KATNBL1: variants seen among roughly 807,000 people sequenced by gnomAD.
KATNBL1 encodes the protein KATNB1-like protein 1.
KATNBL1 carries 28 observed loss-of-function variants against 44.7 expected under a neutral mutation model. The observed-to-expected ratio is 0.63, with a 90% confidence interval of 0.46 to 0.86. KATNBL1 has a LOEUF of 0.86. Ranked by LOEUF, KATNBL1 falls within the 40% of genes least tolerant of loss-of-function variation. KATNBL1 has a pLI of 0.00. For synonymous variants in KATNBL1, 78 were observed against 114.9 expected (o/e 0.68, Z 2.06); for missense variants, 272 against 350.7 (o/e 0.78, Z 1.79).
chr15:34,153,523 C>T (rs1014742436), intron 3 of KATNBL1, among the ~76,000 whole-genome samples: 6 of 152,072 alleles, frequency 3.9e-5, no homozygotes, highest in South Asian at 2.1e-4. Flanking sequence ...GGTTCTCAAA[C>T]GTTTTAGTGT....
At chr15:34,156,440 C>A (rs57715967) in intron 2 of KATNBL1, among the ~76,000 whole-genome samples, 31,369 of 152,162 alleles carry the variant, frequency 0.21, 4,052 homozygotes, top group African/African-American at 0.37. Context: ...GCCTGCCATG[C>A]GCACGAGCAT....
intron 1 of KATNBL1, among the ~76,000 whole-genome samples, chr15:34,181,642 A>C (rs62016513): frequency 4.6e-4 from 24 of 52,400 alleles, no homozygotes; most frequent in South Asian, 6.2e-4. Flanking sequence ...ATATATATAC[A>C]CATATATATG....
rs1888144982 is a variant in KATNBL1, at chr15:34,141,321, G to T, written c.*1018C>A. On this transcript the variant is annotated 3_prime_UTR_variant, in exon 10 of 10. Transcript: ENST00000256544. ...TAACTGTAAACCATTCTAAATCACT[G>T]TATGTAACTCTTTAAAACATATGTA... The T allele has an allele frequency of 6.6e-6, 1 of 152,574 alleles. No individual in the cohort carries two copies. The highest frequency in any genetic ancestry group is 1.5e-5 in the Non-Finnish European group (1 of 68,000). 9.5% of individuals were successfully genotyped at this position (152,574 alleles called of 1,614,324 possible). A position where few individuals can be genotyped will look rare whatever the true frequency, so the allele number is the denominator to read the frequency against.
At chr15:34,145,947 CTTTT>C (rs35429469) in intron 8 of KATNBL1, 7 of 123,300 alleles carry the variant, frequency 5.7e-5, no homozygotes, top group East Asian at 2.4e-4. Flanking sequence ...TAAATTGTGG[CTTTT>C]TTTTTTTTTT....
chr15:34,151,436 C>CTTTTTTTT (rs58824450), intron 4 of KATNBL1, among the ~76,000 whole-genome samples: 2 of 60,678 alleles, frequency 3.3e-5, no homozygotes, highest in Non-Finnish European at 5.9e-5. Flanking sequence ...CCTTTGCCTA[C>CTTTTTTTT]TTTTTTTTTT....
At chr15:34,202,205 C>A (rs1049593692) in intron 1 of KATNBL1, among the ~76,000 whole-genome samples, 1 of 152,184 alleles carries the variant, frequency 6.6e-6, no homozygotes, top group Non-Finnish European at 1.5e-5. Flanking sequence ...AGACTCTCTA[C>A]ATATGAGAGG....
intron 1 of KATNBL1, among the ~76,000 whole-genome samples, chr15:34,189,944 A>ATGC (rs1889824971): frequency 8.9e-6 from 1 of 112,600 alleles, no homozygotes; most frequent in African/African-American, 2.8e-5. Flanking sequence ...TAAGAAGTAC[A>ATGC]TTCTTTTTTT....
At chr15:34,146,582 A>C (rs1888317620) in intron 8 of KATNBL1, 179 bp downstream of exon 8, 1 of 544,278 alleles carries the variant, frequency 1.8e-6, no homozygotes, top group South Asian at 2.4e-5. Flanking sequence ...AGGCTCTGGA[A>C]TTCAATTTCC....
At chr15:34,188,544 A>G (rs978742593) in intron 1 of KATNBL1, among the ~76,000 whole-genome samples, 11 of 152,210 alleles carry the variant, frequency 7.2e-5, no homozygotes, top group Admixed American at 5.9e-4. Context: ...CAACAGAGCA[A>G]GATTCTGTCT....
intron 3 of KATNBL1, among the ~76,000 whole-genome samples, 177 bp from the exon 4 acceptor site, chr15:34,153,246 A>C (rs895738590): frequency 2.0e-5 from 3 of 152,236 alleles, no homozygotes; most frequent in African/African-American, 7.2e-5. Flanking sequence ...GGAAATTACA[A>C]ATTATCTGGA....
intron 1 of KATNBL1, among the ~76,000 whole-genome samples, chr15:34,164,510 CTCT>C (rs1466548055): frequency 7.1e-6 from 1 of 141,106 alleles, no homozygotes; most frequent in Non-Finnish European, 1.5e-5. Flanking sequence ...CAAAGCTCTC[CTCT>C]ACCTTTGAAA....
chr15:34,195,141 C>T (rs528358166), intron 1 of KATNBL1, among the ~76,000 whole-genome samples: 10 of 147,948 alleles, frequency 6.8e-5, no homozygotes, highest in Admixed American at 4.0e-4. Flanking sequence ...AAGACACCTG[C>T]ACTCATATGT....
chr15:34,144,538 T>C (rs1421733084), intron 9 of KATNBL1, among the ~76,000 whole-genome samples: 4 of 151,546 alleles, frequency 2.6e-5, no homozygotes, highest in Admixed American at 2.6e-4. Flanking sequence ...TGACAATTTT[T>C]TCTTCAATTA....
intron 1 of KATNBL1, among the ~76,000 whole-genome samples, chr15:34,179,494 G>C (rs1453920144): frequency 6.6e-6 from 1 of 152,028 alleles, no homozygotes; most frequent in Non-Finnish European, 1.5e-5. Flanking sequence ...CATAGCAATG[G>C]TATTTTTTTT....
intron 1 of KATNBL1, among the ~76,000 whole-genome samples, chr15:34,178,582 C>A (rs1889410764): frequency 6.6e-6 from 1 of 151,860 alleles, no homozygotes; most frequent in Admixed American, 6.6e-5. Context: ...CCGGTGAAAC[C>A]CTGTCTCTAC....
At chr15:34,154,971 G>C (rs954095146) in intron 2 of KATNBL1, 2 of 399,156 alleles carry the variant, frequency 5.0e-6, no homozygotes, top group African/African-American at 4.1e-5. Context: ...CAGAGTGGCG[G>C]GGTGAGCAGT....
chr15:34,161,579 G>T (rs1888808478), intron 2 of KATNBL1, among the ~76,000 whole-genome samples: 1 of 152,238 alleles, frequency 6.6e-6, no homozygotes, highest in African/African-American at 2.4e-5. Flanking sequence ...GGACAAGGGG[G>T]AGGAAGGAGT....
At chr15:34,146,343 ACAT>A (rs1391709176) in intron 8 of KATNBL1, 11 of 153,598 alleles carry the variant, frequency 7.2e-5, no homozygotes, top group Non-Finnish European at 1.6e-4. Context: ...ACGAATTTTC[ACAT>A]CAAGGCAGTA....
intron 1 of KATNBL1, among the ~76,000 whole-genome samples, chr15:34,196,641 T>C (rs1890037869): frequency 6.6e-6 from 1 of 151,930 alleles, no homozygotes; most frequent in Admixed American, 6.6e-5. Flanking sequence ...TGCAGGAGAA[T>C]CACTTGAACC....
Sources: gnomAD v4.1 joint callset for allele counts (sites outside exome capture counted in the v4.1 genomes callset) on GRCh38, gnomAD v4.1.1 for gene constraint, MANE v1.5 for transcripts, NCBI Gene and HGNC (gene_info 2026-07-23, HGNC 2026-07-21) for gene names.